The following RAD17 variants were observed in gnomAD, a reference collection of about 807,000 sequenced individuals.
RAD17 encodes cell cycle checkpoint protein RAD17.
A neutral mutation model predicts 81.5 loss-of-function variants in RAD17; 31 were observed. That is an observed-to-expected ratio of 0.38 (90% CI 0.29 to 0.51). The LOEUF (loss-of-function observed/expected upper bound fraction) is 0.51. Ranked by LOEUF, RAD17 falls within the 20% of genes least tolerant of loss-of-function variation. The probability of loss-of-function intolerance (pLI) is 0.88; values close to 1 mark genes in which losing one functional copy is unlikely to be tolerated. For synonymous variants in RAD17, 261 were observed against 266.2 expected (o/e 0.98, Z 0.19); for missense variants, 681 against 781.2 (o/e 0.87, Z 1.53).
chr5:69,384,677 A>G (rs1764066652), intron 7 of RAD17, 120 bp from the exon 8 acceptor site: 3 of 913,628 alleles, frequency 3.3e-6, no homozygotes, highest in Non-Finnish European at 3.1e-6. Context: ...ATTTTTCCTA[A>G]TTGGGAAATA....
intron 14 of RAD17, 46 bp from the exon 15 acceptor site, chr5:69,393,308 C>G: frequency 6.4e-7 from 1 of 1,567,620 alleles, no homozygotes; most frequent in Non-Finnish European, 8.7e-7. Flanking sequence ...ATATATTTGA[C>G]CATTGCATTT....
chr5:69,385,266 C>CTTTTTT (rs35876455), intron 8 of RAD17, among the ~76,000 whole-genome samples: 2 of 102,300 alleles, frequency 2.0e-5, no homozygotes, highest in Admixed American at 1.1e-4. Context: ...GGCCTAAAAT[C>CTTTTTT]TTTTTTTTTT....
chr5:69,412,917 G>A (rs1388709107), intron 18 of RAD17, among the ~76,000 whole-genome samples: 1 of 151,010 alleles, frequency 6.6e-6, no homozygotes, highest in Non-Finnish European at 1.5e-5. Flanking sequence ...TGAACCTGAA[G>A]TGGAGGTTGC....
intron 6 of RAD17, among the ~76,000 whole-genome samples, chr5:69,380,010 A>T (rs1289223151): frequency 6.6e-6 from 1 of 151,730 alleles, no homozygotes; most frequent in African/African-American, 2.4e-5. Context: ...CCTCCTGAGT[A>T]GCTGGGATTA....
At chr5:69,382,695 A>G (rs1763931895) in intron 7 of RAD17, among the ~76,000 whole-genome samples, 1 of 152,258 alleles carries the variant, frequency 6.6e-6, no homozygotes, top group Admixed American at 6.5e-5. Flanking sequence ...AGCTTAGATC[A>G]GTAAGTACCT....
At chr5:69,397,267 G>A (rs1764952339) in intron 16 of RAD17, among the ~76,000 whole-genome samples, 1 of 152,022 alleles carries the variant, frequency 6.6e-6, no homozygotes, top group African/African-American at 2.4e-5. Flanking sequence ...TCAGCCTCCT[G>A]AGTAGCTGGG....
chr5:69,381,355 C>CAAAAAGAATAAATTTTATGAGTT (rs1763846747), intron 6 of RAD17, among the ~76,000 whole-genome samples: 2 of 151,932 alleles, frequency 1.3e-5, no homozygotes, highest in African/African-American at 4.8e-5. Flanking sequence ...GTGGCGGGCG[C>CAAAAAGAATAAATTTTATGAGTT]CTGTAGTCCC....
intron 6 of RAD17, among the ~76,000 whole-genome samples, chr5:69,377,419 ATGTG>A (rs1216916625): frequency 7.6e-5 from 5 of 65,786 alleles, no homozygotes; most frequent in South Asian, 6.3e-4. Flanking sequence ...ACTTAGGTAT[ATGTG>A]TGTGTGTGTG....
intron 4 of RAD17, among the ~76,000 whole-genome samples, chr5:69,373,509 C>A (rs997486364): frequency 6.6e-6 from 1 of 151,888 alleles, no homozygotes; most frequent in East Asian, 1.9e-4. Flanking sequence ...TTGAGACCAG[C>A]CTGGGCAACA....
intron 5 of RAD17, 116 bp from the exon 6 acceptor site, chr5:69,374,512 G>T: frequency 1.6e-6 from 1 of 610,190 alleles, no homozygotes; most frequent in Non-Finnish European, 2.8e-6. Flanking sequence ...TTATTATATA[G>T]ATTGTTACTG....
At chr5:69,404,915 G>C (rs1404784966) in intron 17 of RAD17, among the ~76,000 whole-genome samples, 1 of 152,130 alleles carries the variant, frequency 6.6e-6, no homozygotes, top group South Asian at 2.1e-4. Flanking sequence ...ATTCTAGCCT[G>C]GGGGACAGAG....
At chr5:69,380,508 C>G (rs1763785632) in intron 6 of RAD17, among the ~76,000 whole-genome samples, 3 of 152,172 alleles carry the variant, frequency 2.0e-5, no homozygotes, top group African/African-American at 7.2e-5. Context: ...AGTTTGAACT[C>G]ATGGTGAACA....
intron 1 of RAD17, 67 bp downstream of exon 1, chr5:69,370,000 C>G: frequency 2.4e-6 from 1 of 423,466 alleles, no homozygotes; most frequent in Non-Finnish European, 4.2e-6. Context: ...TCTCTGCCTT[C>G]AAGCTTTCCT....
intron 18 of RAD17, among the ~76,000 whole-genome samples, chr5:69,411,996 G>A (rs371206738): frequency 9.0e-4 from 136 of 151,500 alleles, no homozygotes; most frequent in African/African-American, 3.2e-3. Flanking sequence ...TAGCTTTATC[G>A]CCCAGGCTGG....
intron 4 of RAD17, among the ~76,000 whole-genome samples, chr5:69,372,730 G>GC (rs1309565332): frequency 1.3e-5 from 2 of 151,958 alleles, no homozygotes; most frequent in East Asian, 3.9e-4. Context: ...TCCCACCTTA[G>GC]CCCCCCAAGT....
At chr5:69,407,615 T>C (rs929824503) in intron 17 of RAD17, among the ~76,000 whole-genome samples, 2 of 141,008 alleles carry the variant, frequency 1.4e-5, no homozygotes, top group Non-Finnish European at 3.0e-5. Context: ...CGCCCTCTGT[T>C]GTCCAGGCTG....
At chr5:69,374,136 A>G (rs1471539371) in intron 5 of RAD17, 49 bp downstream of exon 5, 7 of 1,460,462 alleles carry the variant, frequency 4.8e-6, no homozygotes, top group South Asian at 3.7e-5. Context: ...TTCAGGGTGC[A>G]TAAGGGTAGA....
At chr5:69,371,662 G>A in intron 3 of RAD17, 105 bp downstream of exon 3, 1 of 535,088 alleles carries the variant, frequency 1.9e-6, no homozygotes, top group Non-Finnish European at 2.9e-6. Context: ...ATAGAGCCGA[G>A]TATCTATTGT....
At chr5:69,385,919 G>A (rs1764183911) in intron 8 of RAD17, 124 bp from the exon 9 acceptor site, 1 of 981,920 alleles carries the variant, frequency 1.0e-6, no homozygotes, top group Non-Finnish European at 1.4e-6. Context: ...CATGTTTCCT[G>A]TGAAAGTTCT....
Sources: gnomAD v4.1 joint callset for allele counts (sites outside exome capture counted in the v4.1 genomes callset) on GRCh38, gnomAD v4.1.1 for gene constraint, MANE v1.5 for transcripts, NCBI Gene and HGNC (gene_info 2026-07-23, HGNC 2026-07-21) for gene names.